The following ATRNL1 variants were observed in gnomAD, a reference collection of about 807,000 sequenced individuals.
The protein encoded by ATRNL1 is attractin like 1, also known as attractin-like protein 1.
In ATRNL1, 95 loss-of-function variants were observed where a neutral mutation model predicts 182.7. The observed-to-expected ratio is 0.52, with a 90% CI of 0.44 to 0.62. ATRNL1 has a LOEUF of 0.62. Ranked by LOEUF, ATRNL1 falls within the 20% of genes least tolerant of loss-of-function variation. ATRNL1 has a pLI of 0.00. For missense variants in ATRNL1, 1,471 were observed against 1,679.5 expected (o/e 0.88, Z 2.17); for synonymous variants, 576 against 568.3 (o/e 1.01, Z -0.19).
At chr10:115,129,215 A>T in intron 4 of ATRNL1, 112 bp from the exon 5 acceptor site, 1 of 699,472 alleles carries the variant, frequency 1.4e-6, no homozygotes, top group South Asian at 2.1e-5. Context: ...AAATTCTGTT[A>T]CATTTATAAG....
intron 8 of ATRNL1, among the ~76,000 whole-genome samples, chr10:115,202,435 G>T (rs1402770539): frequency 6.6e-6 from 1 of 152,032 alleles, no homozygotes; most frequent in Non-Finnish European, 1.5e-5. Context: ...AGAGTTTTTA[G>T]CATGAAGGGC....
intron 28 of ATRNL1, among the ~76,000 whole-genome samples, chr10:115,915,606 A>G (rs1589688925): frequency 6.6e-6 from 1 of 152,172 alleles, no homozygotes; most frequent in Non-Finnish European, 1.5e-5. Context: ...GAAAAATAAT[A>G]TATCCATATG....
Position 115,380,339 on chromosome 10 carries a change from T to A in ATRNL1, c.3176-14320T>A, listed in dbSNP as rs1425009799. On this transcript the variant is annotated intron_variant, in intron 19 of 28. Coordinates refer to ENST00000355044, the MANE Select transcript of ATRNL1 (RefSeq NM_207303.4). ...TCATAATACGGCAAGTACTGATGAT[T>A]TTTCAAACATCTCTGTTAAAATATA... 2.0e-5 allele frequency among the ~76,000 whole-genome samples: 3 copies of A among 152,194 alleles called. No homozygotes were observed. In the East Asian group the frequency reaches 5.8e-4, roughly 29 times the overall value.
Position 115,203,163 on chromosome 10 carries a change from G to C in ATRNL1, c.1349-12534G>C, listed in dbSNP as rs145106901. ...ACTTTGTTATTACAACCAGAAGCAG[G>C]GTTCAAAAGCCCTAACAATGATGAA... On this transcript the variant is annotated intron_variant, in intron 8 of 28. Coordinates refer to ENST00000355044, the MANE Select transcript of ATRNL1 (RefSeq NM_207303.4). 4.1e-3 allele frequency among the ~76,000 whole-genome samples: 626 copies of C among 152,152 alleles called. 2 individuals are homozygous for C. The highest frequency in any genetic ancestry group is 0.013 in the African/African-American group (543 of 41,534).
At chr10:115,739,363 T>A (rs879971476) in intron 27 of ATRNL1, among the ~76,000 whole-genome samples, 8 of 152,222 alleles carry the variant, frequency 5.3e-5, no homozygotes, top group Non-Finnish European at 1.2e-4. Flanking sequence ...ATTGGAAAGT[T>A]ATAAATACAG....
chr10:115,746,787 A>T (rs1948304891), intron 27 of ATRNL1, among the ~76,000 whole-genome samples: 1 of 152,154 alleles, frequency 6.6e-6, no homozygotes, highest in Non-Finnish European at 1.5e-5. Flanking sequence ...GCTCTAACAA[A>T]AAAGACCACA....
In ATRNL1 at chr10:115,192,952, C is replaced by T. The variant is rs116642399; in HGVS notation, c.1348+21660C>T. ...CTGCAACATTACTGGATATGTTTAT[C>T]GGTTCCAGTAGTTTTTGGAGTCTTT... On this transcript the variant is annotated intron_variant, in intron 8 of 28. Transcript: ENST00000355044. Among the ~76,000 whole-genome samples, 1,059 of 151,834 alleles carry T rather than the reference C, an allele frequency of 7.0e-3. 10 individuals are homozygous for T. Among genetic ancestry groups the T allele is most frequent in the African/African-American group, 0.025 (1,018 of 41,456 alleles).
intron 24 of ATRNL1, among the ~76,000 whole-genome samples, chr10:115,493,134 A>G (rs1298249780): frequency 2.6e-5 from 4 of 151,626 alleles, no homozygotes; most frequent in Non-Finnish European, 4.4e-5. Context: ...TTTATTTTAG[A>G]TTTAGTGGTA....
At chr10:115,637,352 C>T (rs564640263) in intron 26 of ATRNL1, among the ~76,000 whole-genome samples, 4 of 152,016 alleles carry the variant, frequency 2.6e-5, no homozygotes, top group African/African-American at 9.6e-5. Flanking sequence ...GACAGTGATA[C>T]TACTTAACCT....
chr10:115,427,217 T>C (rs1417591620), intron 21 of ATRNL1, among the ~76,000 whole-genome samples: 3 of 152,206 alleles, frequency 2.0e-5, no homozygotes, highest in African/African-American at 7.2e-5. Flanking sequence ...ACTTTCCTAA[T>C]TACTAATGAT....
At chr10:115,743,943 T>A (rs551064920) in intron 27 of ATRNL1, among the ~76,000 whole-genome samples, 1 of 152,238 alleles carries the variant, frequency 6.6e-6, no homozygotes, top group East Asian at 1.9e-4. Flanking sequence ...ATTGTACACA[T>A]CTACACATAT....
chr10:115,417,776 G>GGTCC (rs1565020578), intron 20 of ATRNL1, among the ~76,000 whole-genome samples: 1 of 152,146 alleles, frequency 6.6e-6, no homozygotes, highest in Non-Finnish European at 1.5e-5. Flanking sequence ...ATCTTCCCTA[G>GGTCC]GTCCATCTGC....
intron 26 of ATRNL1, among the ~76,000 whole-genome samples, chr10:115,619,806 A>G (rs1400079220): frequency 6.6e-6 from 1 of 152,186 alleles, no homozygotes. Flanking sequence ...TTTATTTTTA[A>G]CAACACCTGG....
At chr10:115,755,724 G>C in intron 27 of ATRNL1, among the ~76,000 whole-genome samples, 1 of 152,030 alleles carries the variant, frequency 6.6e-6, no homozygotes, top group East Asian at 1.9e-4. Context: ...CTATTTTTTG[G>C]AATAGTTTCA....
chr10:115,822,650 C>A (rs1321413471), intron 27 of ATRNL1, among the ~76,000 whole-genome samples: 1 of 152,128 alleles, frequency 6.6e-6, no homozygotes, highest in African/African-American at 2.4e-5. Flanking sequence ...ATACTATAAA[C>A]ACCTCTATGC....
intron 1 of ATRNL1, among the ~76,000 whole-genome samples, chr10:115,113,962 G>T (rs1018050225): frequency 6.6e-6 from 1 of 151,720 alleles, no homozygotes; most frequent in African/African-American, 2.4e-5. Context: ...GAAAAATAAA[G>T]TTTATATTTT....
At chr10:115,635,683 A>G (rs1416873407) in intron 26 of ATRNL1, among the ~76,000 whole-genome samples, 1 of 152,218 alleles carries the variant, frequency 6.6e-6, no homozygotes, top group Non-Finnish European at 1.5e-5. Flanking sequence ...CCATACAAGT[A>G]TGCTCATAAT....
intron 19 of ATRNL1, among the ~76,000 whole-genome samples, chr10:115,390,675 T>A (rs1843972692): frequency 1.3e-5 from 2 of 152,182 alleles, no homozygotes. Flanking sequence ...AATTGCTTTT[T>A]CTCTTTCAGT....
intron 5 of ATRNL1, among the ~76,000 whole-genome samples, chr10:115,153,467 C>T (rs1238366170): frequency 6.6e-6 from 1 of 152,066 alleles, no homozygotes; most frequent in Non-Finnish European, 1.5e-5. Flanking sequence ...GGAATTTATC[C>T]ATTTCTTCTA....
Sources: gnomAD v4.1 joint callset for allele counts (sites outside exome capture counted in the v4.1 genomes callset) on GRCh38, gnomAD v4.1.1 for gene constraint, MANE v1.5 for transcripts, NCBI Gene and HGNC (gene_info 2026-07-23, HGNC 2026-07-21) for gene names.